The following SGCZ variants were observed in gnomAD, a reference collection of about 807,000 sequenced individuals.
The protein encoded by SGCZ is zeta-sarcoglycan.
Under a neutral mutation model 41.3 loss-of-function variants are expected in SGCZ, and 40 were observed. The observed-to-expected ratio is 0.97, with a 90% CI of 0.75 to 1.26. The LOEUF (loss-of-function observed/expected upper bound fraction) is 1.26. Among genes scored for constraint, SGCZ ranks in the 50% most tolerant of loss-of-function variants. The probability of loss-of-function intolerance (pLI) is 0.00; values close to 1 mark genes in which losing one functional copy is unlikely to be tolerated. For missense variants in SGCZ, 552 were observed against 369.8 expected, an observed-to-expected ratio of 1.49 and a Z score of -4.04; for synonymous variants, 206 against 137.5, an observed-to-expected ratio of 1.50 and a Z score of -3.49.
chr8:14,988,238 A>C (rs568734177), intron 1 of SGCZ, among the ~76,000 whole-genome samples: 3 of 147,538 alleles, frequency 2.0e-5, no homozygotes, highest in African/African-American at 7.4e-5. Context: ...TATCCAATAT[A>C]AAGGTATACA....
chr8:14,436,461 T>C (rs570313764), intron 2 of SGCZ, among the ~76,000 whole-genome samples: 4 of 152,340 alleles, frequency 2.6e-5, no homozygotes, highest in African/African-American at 9.6e-5. Flanking sequence ...GTGTGGGCCA[T>C]ACACTTTTAA....
chr8:14,217,056 G>C (rs1157216960), intron 4 of SGCZ, among the ~76,000 whole-genome samples: 1 of 152,132 alleles, frequency 6.6e-6, no homozygotes, highest in African/African-American at 2.4e-5. Flanking sequence ...GGGAGGCCGA[G>C]GTGGGTGGAT....
intron 4 of SGCZ, among the ~76,000 whole-genome samples, chr8:14,197,031 G>A (rs2117060289): frequency 6.6e-6 from 1 of 152,182 alleles, no homozygotes; most frequent in East Asian, 1.9e-4. Context: ...TTGGATTGTG[G>A]TAATGGTTGC....
chr8:15,067,417 T>C (rs1292896315), intron 1 of SGCZ, among the ~76,000 whole-genome samples: 3 of 152,218 alleles, frequency 2.0e-5, no homozygotes, highest in Non-Finnish European at 4.4e-5. Flanking sequence ...GTAAATCTTA[T>C]TATCCCTACT....
chr8:14,965,750 T>C (rs938910352), intron 1 of SGCZ, among the ~76,000 whole-genome samples: 3 of 152,182 alleles, frequency 2.0e-5, no homozygotes, highest in East Asian at 1.9e-4. Context: ...AAATTTCCTA[T>C]GTATAATATT....
intron 1 of SGCZ, among the ~76,000 whole-genome samples, chr8:14,833,930 AAT>A (rs1216034119): frequency 6.6e-6 from 1 of 152,206 alleles, no homozygotes; most frequent in Admixed American, 6.5e-5. Flanking sequence ...AGGTGAGGAA[AAT>A]ATGTTTTTAG....
At chr8:14,350,116 G>A (rs956284394) in intron 2 of SGCZ, among the ~76,000 whole-genome samples, 1 of 152,004 alleles carries the variant, frequency 6.6e-6, no homozygotes, top group African/African-American at 2.4e-5. Flanking sequence ...GTCTTTGGAA[G>A]GTGAACGATA....
At chr8:14,818,229 C>G (rs1801965100) in intron 1 of SGCZ, among the ~76,000 whole-genome samples, 1 of 152,152 alleles carries the variant, frequency 6.6e-6, no homozygotes, top group Non-Finnish European at 1.5e-5. Context: ...CCAGAGAGCC[C>G]ACCAGCCAGC....
intron 4 of SGCZ, among the ~76,000 whole-genome samples, chr8:14,196,084 T>A (rs552468656): frequency 6.6e-6 from 1 of 152,150 alleles, no homozygotes; most frequent in African/African-American, 2.4e-5. Flanking sequence ...GTATCCAAAA[T>A]TCAGGAGAGG....
At chr8:14,537,823 G>T (rs994594150) in intron 2 of SGCZ, among the ~76,000 whole-genome samples, 6 of 151,938 alleles carry the variant, frequency 3.9e-5, no homozygotes, top group East Asian at 3.9e-4. Context: ...CTATAGAGAA[G>T]ATATAAATGT....
chr8:14,583,182 C>A (rs1368406647), intron 1 of SGCZ, among the ~76,000 whole-genome samples: 4 of 150,846 alleles, frequency 2.7e-5, no homozygotes, highest in Admixed American at 2.0e-4. Flanking sequence ...TGTTTCCTGA[C>A]TTTTTAATGA....
intron 1 of SGCZ, among the ~76,000 whole-genome samples, chr8:14,675,232 A>T (rs916503458): frequency 4.6e-5 from 7 of 151,202 alleles, no homozygotes; most frequent in African/African-American, 1.5e-4. Context: ...GAGCCACCGC[A>T]CCCGGCCAAA....
Position 15,237,889 on chromosome 8 carries a change from G to C in SGCZ, c.-266C>G. The C allele has an allele frequency of 2.9e-6, 1 of 349,378 alleles. No individual in the cohort carries two copies. Among genetic ancestry groups the C allele is most frequent in the Admixed American group, 4.0e-5 (1 of 24,834 alleles). The allele number at this position is 349,378 out of a possible 1,614,324, so 21.6% of individuals were successfully genotyped here. A position where few individuals can be genotyped will look rare whatever the true frequency, so the allele number is the denominator to read the frequency against. On this transcript the variant is annotated 5_prime_UTR_variant, in exon 1 of 8. Coordinates refer to ENST00000382080, the MANE Select transcript of SGCZ (RefSeq NM_139167.4). Reference sequence around the variant, plus strand: ...GCGGTGCAACACAGCTGAGTCGATTGAAACAGGGGCCAAAAGAAAAAAGGA... The same window carrying C: ...GCGGTGCAACACAGCTGAGTCGATTCAAACAGGGGCCAAAAGAAAAAAGGA...
chr8:15,201,407 T>C (rs899584452), intron 1 of SGCZ, among the ~76,000 whole-genome samples: 1 of 152,220 alleles, frequency 6.6e-6, no homozygotes, highest in African/African-American at 2.4e-5. Context: ...TCTGTAATTA[T>C]ACATAATACT....
intron 4 of SGCZ, among the ~76,000 whole-genome samples, chr8:14,171,662 T>C (rs536932407): frequency 6.6e-6 from 1 of 152,206 alleles, no homozygotes; most frequent in African/African-American, 2.4e-5. Context: ...ATGGAGAATG[T>C]ATTATCTCAT....
chr8:14,491,290 C>G (rs982692067), intron 2 of SGCZ, among the ~76,000 whole-genome samples: 4 of 150,582 alleles, frequency 2.7e-5, no homozygotes, highest in African/African-American at 9.8e-5. Context: ...CCCACACACA[C>G]ACACACTCCA....
chr8:14,988,756 G>A (rs966085780), intron 1 of SGCZ, among the ~76,000 whole-genome samples: 14 of 152,050 alleles, frequency 9.2e-5, no homozygotes, highest in Admixed American at 3.3e-4. Context: ...CTGGGATAAC[G>A]AAGGAAGCTA....
chr8:15,132,292 T>C (rs1025926263), intron 1 of SGCZ, among the ~76,000 whole-genome samples: 1 of 152,222 alleles, frequency 6.6e-6, no homozygotes, highest in African/African-American at 2.4e-5. Flanking sequence ...TACTTGCCTG[T>C]AGACACTGTG....
At chr8:14,506,090 C>G (rs904093936) in intron 2 of SGCZ, among the ~76,000 whole-genome samples, 2 of 151,998 alleles carry the variant, frequency 1.3e-5, no homozygotes, top group Admixed American at 6.6e-5. Flanking sequence ...ATAATCCCAG[C>G]ACTTTGGGAG....
Sources: gnomAD v4.1 joint callset for allele counts (sites outside exome capture counted in the v4.1 genomes callset) on GRCh38, gnomAD v4.1.1 for gene constraint, MANE v1.5 for transcripts, NCBI Gene and HGNC (gene_info 2026-07-23, HGNC 2026-07-21) for gene names.